The following RALGAPA1 variants were observed in gnomAD, a reference collection of about 807,000 sequenced individuals.
RALGAPA1 encodes ral GTPase-activating protein subunit alpha-1.
A neutral mutation model predicts 269.6 loss-of-function variants in RALGAPA1; 52 were observed. That is an observed-to-expected ratio of 0.19 (90% CI 0.15 to 0.24). The LOEUF (loss-of-function observed/expected upper bound fraction) is 0.24. Among genes scored for constraint, RALGAPA1 ranks in the 10% least tolerant of loss-of-function variants. RALGAPA1 has a pLI of 1.00. For synonymous variants in RALGAPA1, 817 were observed against 1,008.3 expected, an observed-to-expected ratio of 0.81 and a Z score of 3.60; for missense variants, 1,917 against 3,013.9, an observed-to-expected ratio of 0.64 and a Z score of 8.52.
rs1299645420 is a variant in RALGAPA1 at position 35,750,566 on chromosome 14, C to G, written c.927G>C (p.Leu309=). ...GTTTTGGCTCCAGCCAGAAAGAAAC[C>G]AGCCAACGAATGACAATAACACGAG... is the stretch of plus-strand genomic sequence containing the variant. ...IKARVIVIRW[L]VSFWLEPKPH... The change falls in exon 9 of 42, where the codon CTG becomes CTC. Residue 309 remains leucine, a synonymous_variant. Transcript: ENST00000680220. 3.7e-6 allele frequency: 6 copies of G among 1,612,948 alleles called. No homozygotes were observed. Among genetic ancestry groups the G allele is most frequent in the Admixed American group, 1.7e-5 (1 of 59,886 alleles).
chr14:35,742,091 T>TG lies in RALGAPA1; in HGVS notation c.1449+276_1449+277insC, dbSNP rs1236961694. Among the ~76,000 whole-genome samples the TG allele has an allele frequency of 3.3e-5, 5 of 152,320 alleles. No individual in the cohort carries two copies. In the East Asian group the frequency reaches 9.6e-4, roughly 29 times the overall value. ...TGATGTAGTACCACAGTTTGAAATA[T>TG]TATACCTTTATAACAGTACCTAATT... On this transcript the variant is annotated intron_variant, in intron 11 of 41. Transcript: ENST00000680220.
chr14:35,737,646 C>T (rs2141108410), intron 12 of RALGAPA1, among the ~76,000 whole-genome samples: 1 of 150,854 alleles, frequency 6.6e-6, no homozygotes, highest in South Asian at 2.1e-4. Flanking sequence ...GTAATCCCAG[C>T]TTCTTGGGAG....
At position 35,746,658 on chromosome 14, in the gene RALGAPA1, C is replaced by T. The variant is rs1178535728; in HGVS notation, c.1251+1927G>A. Among the ~76,000 whole-genome samples the T allele has an allele frequency of 3.3e-5, 5 of 151,952 alleles. No homozygotes were observed. In the East Asian group the frequency reaches 9.7e-4, roughly 29 times the overall value. ...GAACTTCAAGCAGAGGAAAGTGATT[C>T]TAAATAGAAGATCTGAAAGGGAAGA... On this transcript the variant is annotated intron_variant, in intron 10 of 41. Transcript: ENST00000680220.
At chr14:35,644,273 C>G (rs2062231415) in intron 31 of RALGAPA1, among the ~76,000 whole-genome samples, 1 of 152,080 alleles carries the variant, frequency 6.6e-6, no homozygotes, top group Non-Finnish European at 1.5e-5. Context: ...AAATCCAAAG[C>G]AAAGACTATC....
intron 35 of RALGAPA1, among the ~76,000 whole-genome samples, chr14:35,624,144 T>C (rs1329118879): frequency 4.0e-5 from 2 of 50,166 alleles, no homozygotes; most frequent in African/African-American, 1.9e-4. Context: ...ATGCTCACAA[T>C]ATAATACAAC....
intron 39 of RALGAPA1, among the ~76,000 whole-genome samples, chr14:35,561,247 A>AT (rs1171348900): frequency 1.3e-5 from 2 of 150,522 alleles, no homozygotes; most frequent in African/African-American, 4.9e-5. Context: ...AAAAAAAAAA[A>AT]AAAAATACAG....
intron 37 of RALGAPA1, among the ~76,000 whole-genome samples, chr14:35,573,924 T>A (rs2057383140): frequency 6.6e-6 from 1 of 152,180 alleles, no homozygotes; most frequent in Non-Finnish European, 1.5e-5. Context: ...GTTAACTGAA[T>A]ACAAAAGAAA....
intron 3 of RALGAPA1, 66 bp from the exon 4 acceptor site, chr14:35,771,065 A>T: frequency 1.5e-6 from 1 of 654,852 alleles, no homozygotes; most frequent in Non-Finnish European, 2.6e-6. Flanking sequence ...ACATCCTGCA[A>T]AATGTGAAAA....
chr14:35,606,771 C>A (rs1594785818), intron 35 of RALGAPA1, among the ~76,000 whole-genome samples: 1 of 140,064 alleles, frequency 7.1e-6, no homozygotes. Context: ...AAAAAAAAAA[C>A]CCTGCAACAA....
chr14:35,742,222 T>C (rs2071624212), intron 11 of RALGAPA1, 146 bp downstream of exon 11: 1 of 662,754 alleles, frequency 1.5e-6, no homozygotes, highest in Non-Finnish European at 2.6e-6. Context: ...TGACTACTTA[T>C]ATTACCTAAA....
chr14:35,626,897 G>T (rs943392861), intron 34 of RALGAPA1, among the ~76,000 whole-genome samples, 193 bp downstream of exon 34: 1 of 151,786 alleles, frequency 6.6e-6, no homozygotes, highest in Admixed American at 6.6e-5. Flanking sequence ...TTGATAATTT[G>T]CTGGATTATT....
Position 35,677,930 on chromosome 14 carries a change from A to G in RALGAPA1, c.4624+20T>C. On this transcript the variant is annotated intron_variant, in intron 22 of 41. Transcript: ENST00000680220. Reference sequence around the variant, plus strand: ...ACGCCCTAAAAGAAAAAAGGTAAATATCTAATTTTGAAATATTGCCTAGAT... The same window carrying G: ...ACGCCCTAAAAGAAAAAAGGTAAATGTCTAATTTTGAAATATTGCCTAGAT... 1 of 1,610,500 alleles carries G rather than the reference A, an allele frequency of 6.2e-7. No homozygotes were observed. Among genetic ancestry groups the G allele is most frequent in the Non-Finnish European group, 8.5e-7 (1 of 1,178,260 alleles).
intron 25 of RALGAPA1, among the ~76,000 whole-genome samples, 184 bp downstream of exon 25, chr14:35,672,683 T>C (rs2064572038): frequency 6.6e-6 from 1 of 152,158 alleles, no homozygotes. Flanking sequence ...CAATAATAGC[T>C]TGATTTTCAA....
rs970383747 is a variant in RALGAPA1 at position 35,674,246 on chromosome 14, G to A, written c.4851C>T (p.Asn1617=). Residue 1617 remains asparagine (N), a synonymous_variant, in exon 24 of 42, where the codon AAC becomes AAT. Transcript: ENST00000680220. ...IRDNLGISTD[N]LTSPSPPVLI... ...AAACTGGTGGAGAAGGGGAGGTCAG[G>A]TTATCAGTTGAAATGCCAAGGTTAT... is the stretch of plus-strand genomic sequence containing the variant. The A allele has an allele frequency of 3.7e-6, 6 of 1,611,970 alleles. No individual in the cohort carries two copies. The Admixed American group carries it at 5.0e-5, about 13-fold the overall frequency.
intron 16 of RALGAPA1, among the ~76,000 whole-genome samples, chr14:35,701,026 TA>T (rs923935219): frequency 6.6e-6 from 1 of 152,148 alleles, no homozygotes; most frequent in Non-Finnish European, 1.5e-5. Context: ...ATCATAAACA[TA>T]AAAACTTAAA....
chr14:35,711,170 T>TTG (rs1166062846), intron 16 of RALGAPA1, among the ~76,000 whole-genome samples: 3 of 152,244 alleles, frequency 2.0e-5, no homozygotes, highest in African/African-American at 7.2e-5. Context: ...GCTTGTTCCT[T>TTG]TATCTGTTGA....
chr14:35,630,450 G>A (rs1028983909), intron 33 of RALGAPA1, among the ~76,000 whole-genome samples: 2 of 152,136 alleles, frequency 1.3e-5, no homozygotes, highest in African/African-American at 2.4e-5. Context: ...ACCACGCCTG[G>A]CTAATTTTTA....
intron 35 of RALGAPA1, among the ~76,000 whole-genome samples, chr14:35,612,030 T>C (rs1179118631): frequency 2.0e-5 from 3 of 152,132 alleles, no homozygotes; most frequent in Admixed American, 6.6e-5. Context: ...TTTCAATGAA[T>C]AGTGTTTTCA....
At chr14:35,600,227 T>TTC (rs1555369683) in intron 36 of RALGAPA1, among the ~76,000 whole-genome samples, 9 of 129,698 alleles carry the variant, frequency 6.9e-5, no homozygotes, top group African/African-American at 3.2e-4. Flanking sequence ...TCTTTTTCTT[T>TTC]TTTTCTTTTT....
Sources: gnomAD v4.1 joint callset for allele counts (sites outside exome capture counted in the v4.1 genomes callset) on GRCh38, gnomAD v4.1.1 for gene constraint, MANE v1.5 for transcripts, NCBI Gene and HGNC (gene_info 2026-07-23, HGNC 2026-07-21) for gene names.